The following RYR2 variants were observed in gnomAD, a reference collection of about 807,000 sequenced individuals.
The protein encoded by RYR2 is cardiac muscle ryanodine receptor-calcium release channel.
Under a neutral mutation model 601.1 loss-of-function variants are expected in RYR2, and 227 were observed. The ratio of observed to expected loss-of-function variants is 0.38; its 90% confidence interval spans 0.34 to 0.42. RYR2 has a LOEUF of 0.42. Ranked by LOEUF, RYR2 falls within the 10% of genes least tolerant of loss-of-function variation. RYR2 has a pLI of 1.00. For missense variants in RYR2, 4,646 were observed against 6,156.5 expected (o/e 0.75, Z 8.21); for synonymous variants, 2,223 against 2,175.1 (o/e 1.02, Z -0.61).
chr1:237,653,251 T>C (rs1245296684), intron 51 of RYR2, among the ~76,000 whole-genome samples: 1 of 152,146 alleles, frequency 6.6e-6, no homozygotes, highest in African/African-American at 2.4e-5. Context: ...TAGAGCAATT[T>C]TGGAACTTCA....
intron 29 of RYR2, among the ~76,000 whole-genome samples, chr1:237,579,760 C>T (rs1673683127): frequency 6.6e-6 from 1 of 152,102 alleles, no homozygotes; most frequent in Non-Finnish European, 1.5e-5. Context: ...TTCACTTGTT[C>T]TTCAGTTTGG....
rs1473565528 is a variant in RYR2 at position 237,499,928 on chromosome 1, G to A, written c.2204-783G>A. Among the ~76,000 whole-genome samples, 13 of 152,242 alleles carry A rather than the reference G, an allele frequency of 8.5e-5. No individual in the cohort carries two copies. In the East Asian group the frequency reaches 2.1e-3, roughly 25 times the overall value. ...GGACGAATTAGCAAAGGAGTTCTTC[G>A]AATCAGGAATGGGCTTAGACCATAG... is the stretch of plus-strand genomic sequence containing the variant. On this transcript the variant is annotated intron_variant, in intron 20 of 104. Coordinates refer to ENST00000366574, the MANE Select transcript of RYR2 (RefSeq NM_001035.3).
chr1:237,439,503 G>A (rs1707702637), intron 12 of RYR2, among the ~76,000 whole-genome samples: 1 of 151,978 alleles, frequency 6.6e-6, no homozygotes, highest in South Asian at 2.1e-4. Context: ...AATTAGCAGG[G>A]TGTGGTGGTG....
Position 237,674,775 on chromosome 1 carries a change from G to T in RYR2, c.8759G>T (p.Arg2920Leu), listed in dbSNP as rs756302327. 1.9e-6 allele frequency: 3 copies of T among 1,612,488 alleles called. No individual in the cohort carries two copies. The highest frequency in any genetic ancestry group is 1.7e-4 in the Middle Eastern group (1 of 6,052). ...LELDTPSIEKRFAYSFLQQLI... is the reference protein window; with the variant it reads ...LELDTPSIEKLFAYSFLQQLI... ...CTGGACACGCCTTCTATTGAGAAACGATTTGCCTATAGTTTCCTCCAACAA... is the reference window on the plus strand; with the variant it reads ...CTGGACACGCCTTCTATTGAGAAACTATTTGCCTATAGTTTCCTCCAACAA... Residue 2920 changes from arginine to leucine, a missense_variant, in exon 60 of 105, where the codon CGA becomes CTA. Physicochemically the swap from Arg to Leu is moderately radical, Grantham distance 102. This residue lies in a region of RYR2 where 1,497 missense variants were observed against 1,842.6 expected (regional missense o/e 0.81). Coordinates refer to ENST00000366574, the MANE Select transcript of RYR2 (RefSeq NM_001035.3).
At chr1:237,645,952 C>G (rs2148773998) in intron 48 of RYR2, among the ~76,000 whole-genome samples, 1 of 150,810 alleles carries the variant, frequency 6.6e-6, no homozygotes, top group South Asian at 2.1e-4. Context: ...TCTTGGCTCA[C>G]TGCAAGCTCC....
intron 21 of RYR2, among the ~76,000 whole-genome samples, chr1:237,501,755 A>G (rs531595225): frequency 5.2e-4 from 79 of 152,324 alleles, no homozygotes; most frequent in African/African-American, 1.8e-3. Context: ...TTATGTTTCT[A>G]TAAGCTTCTG....
intron 86 of RYR2, 58 bp downstream of exon 86, chr1:237,772,158 G>T (rs1694322674): frequency 1.1e-6 from 1 of 923,044 alleles, no homozygotes; most frequent in East Asian, 2.6e-5. Context: ...GAAACAATAC[G>T]GCAGAGTTTT....
chr1:237,104,953 A>G (rs1411773649), intron 1 of RYR2, among the ~76,000 whole-genome samples: 1 of 152,202 alleles, frequency 6.6e-6, no homozygotes, highest in Non-Finnish European at 1.5e-5. Flanking sequence ...GGTCTTCTCA[A>G]CGGTCTGATG....
intron 1 of RYR2, among the ~76,000 whole-genome samples, chr1:237,154,656 T>G (rs1292159754): frequency 1.3e-5 from 2 of 152,036 alleles, no homozygotes; most frequent in Non-Finnish European, 2.9e-5. Flanking sequence ...CAAAAAAAAA[T>G]GTAGTTTTTA....
rs780266883 is a variant in RYR2 at position 237,503,341 on chromosome 1, C to G, written c.2449C>G (p.Pro817Ala). The G allele has an allele frequency of 1.1e-5, 18 of 1,613,854 alleles. No individual in the cohort carries two copies. In the East Asian group the frequency reaches 2.9e-4, roughly 26 times the overall value. The change falls in exon 22 of 105, where the codon CCT becomes GCT. Residue 817 changes from proline to alanine, a missense_variant. Around this residue, in one of 17 missense-constraint regions of RYR2, gnomAD observed 1,807 missense variants for 2,088.1 expected, o/e 0.87. Coordinates refer to ENST00000366574, the MANE Select transcript of RYR2 (RefSeq NM_001035.3). The stretch of plus-strand genomic sequence containing the variant: ...TGGAGAATTCAAATTTCTTCCTCCA[C>G]CTGGGTATGCTCCTTGTTATGAAGC... ...RHGEFKFLPPPGYAPCYEAVL... is the reference protein window; with the variant it reads ...RHGEFKFLPPAGYAPCYEAVL...
chr1:237,437,923 T>C (rs1707558183), intron 12 of RYR2, among the ~76,000 whole-genome samples: 2 of 152,178 alleles, frequency 1.3e-5, no homozygotes, highest in African/African-American at 4.8e-5. Context: ...TTTTCTTGAT[T>C]AAATGTAGGA....
chr1:237,148,531 T>TATATATATAAATATATACACACAC (rs1674305118), intron 1 of RYR2, among the ~76,000 whole-genome samples: 1 of 77,576 alleles, frequency 1.3e-5, no homozygotes, highest in African/African-American at 6.3e-5. Flanking sequence ...AAAAAAAATA[T>TATATATATAAATATATACACACAC]ATATATATAT....
At chr1:237,191,625 C>T (rs185439740) in intron 1 of RYR2, among the ~76,000 whole-genome samples, 106 of 152,210 alleles carry the variant, frequency 7.0e-4, no homozygotes, top group African/African-American at 2.4e-3. Context: ...GATAAAAGAA[C>T]GGCACAATCA....
At chr1:237,392,518 C>G (rs1702470240) in intron 10 of RYR2, among the ~76,000 whole-genome samples, 1 of 152,092 alleles carries the variant, frequency 6.6e-6, no homozygotes, top group Non-Finnish European at 1.5e-5. Flanking sequence ...TGACATTTGA[C>G]TACTAAATTT....
chr1:237,060,871 G>A (rs1355147394), intron 1 of RYR2, among the ~76,000 whole-genome samples: 2 of 152,136 alleles, frequency 1.3e-5, no homozygotes, highest in African/African-American at 2.4e-5. Flanking sequence ...ATATTTAAGT[G>A]AACACCTGAA....
Position 237,617,399 on chromosome 1 carries a change from A to T in RYR2, c.5829A>T (p.Arg1943=), listed in dbSNP as rs1174595893. The T allele has an allele frequency of 6.2e-7, 1 of 1,613,990 alleles. No individual in the cohort carries two copies. Among genetic ancestry groups the T allele is most frequent in the Non-Finnish European group, 8.5e-7 (1 of 1,179,880 alleles). The change falls in exon 38 of 105, where the codon CGA becomes CGT. Residue 1943 remains arginine, a synonymous_variant. Transcript: ENST00000366574. ...VAKLQDNQRF[R]YNEVMQALNM... is the part of the protein sequence containing the mutation. ...AGCTCCAAGACAATCAACGTTTCCG[A>T]TACAACGAAGTCATGCAAGCCTTAA...
chr1:237,271,007 G>A (rs938043432), intron 2 of RYR2, among the ~76,000 whole-genome samples: 3 of 152,002 alleles, frequency 2.0e-5, no homozygotes, highest in Non-Finnish European at 4.4e-5. Flanking sequence ...CCATATTAAC[G>A]AAAAGTCAAA....
chr1:237,191,993 A>G (rs1572153369), intron 1 of RYR2, among the ~76,000 whole-genome samples: 1 of 152,196 alleles, frequency 6.6e-6, no homozygotes, highest in South Asian at 2.1e-4. Context: ...AATTCCTTCC[A>G]TGGTCTTATC....
intron 16 of RYR2, among the ~76,000 whole-genome samples, chr1:237,461,483 A>C (rs3753617): frequency 0.53 from 80,533 of 151,366 alleles, 22,687 homozygotes; most frequent in East Asian, 0.8. Flanking sequence ...CTGTCTCTAA[A>C]CTCTCTGTAT....
Sources: gnomAD v4.1 joint callset for allele counts (sites outside exome capture counted in the v4.1 genomes callset) on GRCh38, gnomAD v4.1.1 for gene constraint, gnomAD v4.1.1 regional missense constraint, MANE v1.5 for transcripts, NCBI Gene and HGNC (gene_info 2026-07-23, HGNC 2026-07-21) for gene names.